TP73: variants seen among roughly 807,000 people sequenced by gnomAD.
TP73 encodes the protein p53-like transcription factor.
Under a neutral mutation model 62.5 loss-of-function variants are expected in TP73, and 25 were observed. The observed-to-expected ratio is 0.40, with a 90% CI of 0.29 to 0.56. The LOEUF (loss-of-function observed/expected upper bound fraction) is 0.56, where lower values mean the gene tolerates loss of function less well. Among genes scored for constraint, TP73 ranks in the 20% least tolerant of loss-of-function variants. The pLI is 0.46. For missense variants in TP73, 754 were observed against 913.3 expected (o/e 0.83, Z 2.25); for synonymous variants, 423 against 377.5 (o/e 1.12, Z -1.40).
intron 4 of TP73, among the ~76,000 whole-genome samples, chr1:3,718,813 C>A (rs1640827326): frequency 6.6e-6 from 1 of 152,154 alleles, no homozygotes; most frequent in African/African-American, 2.4e-5. Flanking sequence ...GTGGAAGAAG[C>A]CTCGGGGGAC....
chr1:3,655,116 G>A (rs761874401), intron 1 of TP73, among the ~76,000 whole-genome samples: 10 of 152,232 alleles, frequency 6.6e-5, no homozygotes, highest in Non-Finnish European at 1.0e-4. Flanking sequence ...GCCAGGCGCC[G>A]TGGCCCACGC....
In TP73 at chr1:3,722,089, C is replaced by T. The variant is rs1467975211; in HGVS notation, c.498C>T (p.Ser166=). Residue 166 remains serine, a synonymous_variant, in exon 5 of 14, where the codon TCC becomes TCT. Transcript: ENST00000378295. ...CATGCCCCATCCAGATCAAGGTGTC[C>T]ACCCCGCCACCCCCAGGCACCGCCA... ...AKTCPIQIKV[S]TPPPPGTAIR... 6 of 1,612,974 alleles carry T rather than the reference C, an allele frequency of 3.7e-6. No individual in the cohort carries two copies. The Admixed American group carries it at 6.7e-5, about 18-fold the overall frequency.
intron 3 of TP73, among the ~76,000 whole-genome samples, chr1:3,702,175 T>G (rs1308511837): frequency 6.6e-6 from 1 of 152,048 alleles, no homozygotes; most frequent in East Asian, 1.9e-4. Flanking sequence ...GTCCAGCCAG[T>G]GGGATGGGGC....
intron 4 of TP73, among the ~76,000 whole-genome samples, chr1:3,709,204 G>A (rs2368540): frequency 0.83 from 125,843 of 152,086 alleles, 54,220 homozygotes; most frequent in Non-Finnish European, 0.97. Context: ...GGCTCCCCCA[G>A]CTGCTGGCTC....
intron 3 of TP73, chr1:3,690,536 C>T (rs1040262801): frequency 5.3e-5 from 49 of 920,264 alleles, no homozygotes; most frequent in Non-Finnish European, 5.6e-5. Flanking sequence ...ATGGAGCCGG[C>T]GCTGACCGGC....
intron 3 of TP73, among the ~76,000 whole-genome samples, chr1:3,700,212 G>T (rs1030080062): frequency 4.0e-5 from 6 of 149,476 alleles, no homozygotes; most frequent in African/African-American, 1.5e-4. Context: ...CATCTCCTCC[G>T]CTGGAGGAGT....
intron 6 of TP73, among the ~76,000 whole-genome samples, chr1:3,726,157 T>C (rs1557579470): frequency 1.6e-5 from 2 of 122,692 alleles, no homozygotes; most frequent in African/African-American, 3.2e-5. Context: ...GGTGGATGGA[T>C]GGTTGGATGG....
In TP73 at chr1:3,683,092, A is replaced by C. The variant is rs982697297; in HGVS notation, c.98A>C (p.Gln33Pro). Residue 33 changes from glutamine to proline, a missense_variant, in exon 3 of 14, where the codon CAG (glutamine) becomes CCG (proline). Physicochemically the swap from Gln to Pro is moderately conservative, Grantham distance 76 (BLOSUM62 -1). Coordinates refer to ENST00000378295, the MANE Select transcript of TP73 (RefSeq NM_005427.4). Reference sequence around the variant, plus strand: ...GACAGCACCTACTTCGACCTTCCCCAGTCAAGCCGGGGGAATAATGAGGTG... The same window carrying C: ...GACAGCACCTACTTCGACCTTCCCCCGTCAAGCCGGGGGAATAATGAGGTG... ...EPDSTYFDLP[Q>P]SSRGNNEVVG... 2 of 1,611,664 alleles carry C rather than the reference A, an allele frequency of 1.2e-6. No homozygotes were observed. The highest frequency in any genetic ancestry group is 3.3e-4 in the Middle Eastern group (2 of 6,056).
intron 4 of TP73, among the ~76,000 whole-genome samples, chr1:3,715,479 G>T (rs933440073): frequency 6.6e-6 from 1 of 152,212 alleles, no homozygotes; most frequent in African/African-American, 2.4e-5. Flanking sequence ...GACAGCTATG[G>T]TCTGGGTGCT....
At chr1:3,695,234 C>T (rs146247639) in intron 3 of TP73, among the ~76,000 whole-genome samples, 129 of 152,340 alleles carry the variant, frequency 8.5e-4, no homozygotes, top group Middle Eastern at 3.4e-3. Flanking sequence ...CTGGAGACGT[C>T]GGAGCTGGGT....
At chr1:3,711,774 G>A (rs1042542209) in intron 4 of TP73, among the ~76,000 whole-genome samples, 5 of 152,188 alleles carry the variant, frequency 3.3e-5, no homozygotes, top group African/African-American at 1.2e-4. Context: ...CAGAAAGATG[G>A]CCCGGACACA....
In TP73 at chr1:3,666,381, T is replaced by TA. The variant is rs1645114311; in HGVS notation, c.-34+13744dup. Among the ~76,000 whole-genome samples the TA allele has an allele frequency of 1.3e-5, 2 of 152,176 alleles. No individual in the cohort carries two copies. Among genetic ancestry groups the TA allele is most frequent in the Non-Finnish European group, 2.9e-5 (2 of 68,032 alleles). ...TCCCACACTAATGAATGTAAAATCT[T>TA]AAAATGGTGCCTGGTGCAGAGTAAG... On this transcript the variant is annotated intron_variant, in intron 1 of 13. Coordinates refer to ENST00000378295, the MANE Select transcript of TP73 (RefSeq NM_005427.4). This position sits in a 1 kb window ranked among gnomAD's most constrained non-coding sequence, Gnocchi z 6.4.
intron 3 of TP73, among the ~76,000 whole-genome samples, chr1:3,706,850 A>G (rs9786966): frequency 0.52 from 78,827 of 151,794 alleles, 21,002 homozygotes; most frequent in Middle Eastern, 0.6. Context: ...TAGGGGCCTA[A>G]CGAGAGAACC....
In TP73 at chr1:3,708,501, A is replaced by C. The variant is rs1639862528; in HGVS notation, c.429+710A>C. 2.0e-5 allele frequency: 3 copies of C among 152,484 alleles called. No homozygotes were observed. The South Asian group carries it at 6.2e-4, about 32-fold the overall frequency. 9.4% of individuals were successfully genotyped at this position (152,484 alleles called of 1,614,324 possible). A position where few individuals can be genotyped will look rare whatever the true frequency, so the allele number is the denominator to read the frequency against. On this transcript the variant is annotated intron_variant, in intron 4 of 13. Coordinates refer to ENST00000378295, the MANE Select transcript of TP73 (RefSeq NM_005427.4). ...ACCAACAACGCACAGGGCTGACTCC[A>C]TCACTGCTCCCCTTTTACAGCCAAG...
intron 5 of TP73, among the ~76,000 whole-genome samples, chr1:3,722,995 G>A (rs1290158679): frequency 6.8e-6 from 1 of 146,710 alleles, no homozygotes; most frequent in Admixed American, 6.8e-5. Flanking sequence ...ATCTGGCATG[G>A]GGCTGGGCAT....
Position 3,722,149 on chromosome 1 carries a change from C to T in TP73, c.558C>T (p.His186=), listed in dbSNP as rs749524800. The T allele has an allele frequency of 1.8e-5, 29 of 1,612,596 alleles. No individual in the cohort carries two copies. Among genetic ancestry groups the T allele is most frequent in the Middle Eastern group, 1.6e-4 (1 of 6,078 alleles). ...RAMPVYKKAE[H]VTDVVKRCPN... ...TGCCTGTTTACAAGAAAGCGGAGCA[C>T]GTGACCGACGTCGTGAAACGCTGCC... Residue 186 remains histidine, a synonymous_variant, in exon 5 of 14, where the codon CAC becomes CAT. Transcript: ENST00000378295.
At chr1:3,659,770 C>T (rs915655733) in intron 1 of TP73, among the ~76,000 whole-genome samples, 2 of 152,092 alleles carry the variant, frequency 1.3e-5, no homozygotes, top group South Asian at 2.1e-4. Flanking sequence ...CAAACTCTGC[C>T]TCCCGGGTTC....
Position 3,699,447 on chromosome 1 carries a change from C to G in TP73, c.187-8102C>G, listed in dbSNP as rs892996898. ...CTCCTTGTTCTACAAGAGCTGGGGT[C>G]ACAGCTCAGAGCCCCTGTCCAGGCT... On this transcript the variant is annotated intron_variant, in intron 3 of 13. Transcript: ENST00000378295. This position sits in a 1 kb window ranked among gnomAD's most constrained non-coding sequence, Gnocchi z 4.1. 6.6e-6 allele frequency among the ~76,000 whole-genome samples: 1 copy of G among 152,222 alleles called. No homozygotes were observed. Among genetic ancestry groups the G allele is most frequent in the African/African-American group, 2.4e-5 (1 of 41,450 alleles).
rs919098298 is a variant in TP73, at chr1:3,699,294, C to A, written c.187-8255C>A. Reference sequence around the variant, plus strand: ...GCCCAGGCTGCTTGTCAGTCACTCACCCCTGGGTGAGGTTGGGGCCCAAGT... The same window carrying A: ...GCCCAGGCTGCTTGTCAGTCACTCAACCCTGGGTGAGGTTGGGGCCCAAGT... On this transcript the variant is annotated intron_variant, in intron 3 of 13. Coordinates refer to ENST00000378295, the MANE Select transcript of TP73 (RefSeq NM_005427.4). The surrounding 1 kb of genome is among the most constrained non-coding windows in gnomAD (Gnocchi z 4.1). Among the ~76,000 whole-genome samples, 1 of 152,158 alleles carries A rather than the reference C, an allele frequency of 6.6e-6. No homozygotes were observed. Among genetic ancestry groups the A allele is most frequent in the Admixed American group, 6.5e-5 (1 of 15,286 alleles).
Sources: allele counts gnomAD v4.1 joint callset (sites outside exome capture counted in the v4.1 genomes callset), GRCh38; gene constraint gnomAD v4.1.1; non-coding constraint Gnocchi (gnomAD v3.1); transcripts MANE v1.5; gene names NCBI Gene and HGNC (gene_info 2026-07-23, HGNC 2026-07-21).